Variants in METTL16 observed in about 807,000 individuals in gnomAD.
METTL16 encodes the protein RNA N(6)-adenosine-methyltransferase METTL16.
A neutral mutation model predicts 57.9 loss-of-function variants in METTL16; 19 were observed. That is an observed-to-expected ratio of 0.33 (90% CI 0.23 to 0.48). The LOEUF is 0.48. Ranked by LOEUF, METTL16 falls within the 20% of genes least tolerant of loss-of-function variation. METTL16 has a pLI of 0.99. For missense variants in METTL16, 434 were observed against 691.5 expected (o/e 0.63, Z 4.18); for synonymous variants, 246 against 255.6 (o/e 0.96, Z 0.36).
chr17:2,482,115 T>C (rs539826407), intron 2 of METTL16, among the ~76,000 whole-genome samples: 1 of 152,304 alleles, frequency 6.6e-6, no homozygotes, highest in South Asian at 2.1e-4. Context: ...GGAGTAGAGT[T>C]TTCACGAGCT....
chr17:2,441,428 A>G, intron 7 of METTL16, 62 bp downstream of exon 7: 1 of 1,222,050 alleles, frequency 8.2e-7, no homozygotes, highest in Non-Finnish European at 1.1e-6. Context: ...GCAAAACTGT[A>G]CTTGTGCCCC....
intron 2 of METTL16, among the ~76,000 whole-genome samples, chr17:2,490,470 GC>G (rs1414112772): frequency 6.6e-6 from 1 of 152,104 alleles, no homozygotes; most frequent in Non-Finnish European, 1.5e-5. Flanking sequence ...AAAGACAAGG[GC>G]TTAGAAAGAT....
intron 2 of METTL16, among the ~76,000 whole-genome samples, chr17:2,498,037 A>G (rs1316671062): frequency 6.6e-6 from 1 of 151,610 alleles, no homozygotes; most frequent in Non-Finnish European, 1.5e-5. Flanking sequence ...TACTAAAAAT[A>G]CAAAAAATTA....
At chr17:2,451,065 CTAAT>C (rs2067065508) in intron 6 of METTL16, among the ~76,000 whole-genome samples, 3 of 152,058 alleles carry the variant, frequency 2.0e-5, no homozygotes, top group African/African-American at 2.4e-5. Flanking sequence ...AATGAAAAAT[CTAAT>C]TATTTTAAAA....
chr17:2,510,952 T>C (rs931691643), intron 1 of METTL16, among the ~76,000 whole-genome samples: 1 of 152,122 alleles, frequency 6.6e-6, no homozygotes, highest in Admixed American at 6.6e-5. Context: ...AAATCTCCCG[T>C]CAGTAAGTTT....
At chr17:2,471,877 G>A (rs756706878) in intron 4 of METTL16, among the ~76,000 whole-genome samples, 1 of 152,060 alleles carries the variant, frequency 6.6e-6, no homozygotes, top group Non-Finnish European at 1.5e-5. Context: ...GTTCTAGGAG[G>A]TCCAGACAAG....
chr17:2,489,537 C>T lies in METTL16; in HGVS notation c.129-11652G>A, dbSNP rs978629296. The stretch of plus-strand genomic sequence containing the variant: ...GAGCGTGGTGGCAGGCAACTGTAAT[C>T]GCCATTTAATAGAGACGGTGAAATC... On this transcript the variant is annotated intron_variant, in intron 2 of 9. Transcript: ENST00000263092. 3.3e-5 allele frequency among the ~76,000 whole-genome samples: 5 copies of T among 151,698 alleles called. No homozygotes were observed. In the South Asian group the frequency reaches 1.0e-3, roughly 32 times the overall value.
intron 6 of METTL16, among the ~76,000 whole-genome samples, chr17:2,455,573 A>C (rs1439732321): frequency 6.6e-6 from 1 of 152,136 alleles, no homozygotes; most frequent in Non-Finnish European, 1.5e-5. Context: ...TCTCCCTGAG[A>C]CCTCAGAGCA....
chr17:2,447,291 G>A (rs954596138), intron 6 of METTL16, among the ~76,000 whole-genome samples: 1 of 146,772 alleles, frequency 6.8e-6, no homozygotes, highest in Non-Finnish European at 1.5e-5. Context: ...GGGAGGTGAG[G>A]AGCGTCTCTG....
At chr17:2,466,789 AT>A (rs966448223) in intron 5 of METTL16, among the ~76,000 whole-genome samples, 1 of 150,574 alleles carries the variant, frequency 6.6e-6, no homozygotes, top group Non-Finnish European at 1.5e-5. Flanking sequence ...TTACATTGTT[AT>A]TTTTTTTTGT....
At chr17:2,490,101 G>C (rs958621877) in intron 2 of METTL16, among the ~76,000 whole-genome samples, 1 of 152,158 alleles carries the variant, frequency 6.6e-6, no homozygotes. Flanking sequence ...AAAAGACCCT[G>C]TATAAACAGA....
intron 8 of METTL16, among the ~76,000 whole-genome samples, chr17:2,422,337 G>GAA (rs56736695): frequency 1.5e-3 from 209 of 136,000 alleles, no homozygotes; most frequent in African/African-American, 3.3e-3. Context: ...CTCCGTTTTA[G>GAA]AAAAAAAAAA....
intron 6 of METTL16, among the ~76,000 whole-genome samples, chr17:2,444,309 A>C (rs1275962500): frequency 1.3e-5 from 2 of 151,994 alleles, no homozygotes; most frequent in African/African-American, 4.8e-5. Context: ...AATTAGCCAG[A>C]TGTGGTGGTG....
intron 8 of METTL16, among the ~76,000 whole-genome samples, chr17:2,425,511 T>C (rs917876176): frequency 5.3e-5 from 8 of 152,250 alleles, no homozygotes; most frequent in Non-Finnish European, 1.2e-4. Flanking sequence ...ACAGGTTTTA[T>C]ATCTTTTGAA....
intron 8 of METTL16, among the ~76,000 whole-genome samples, chr17:2,427,332 A>C (rs1014252223): frequency 6.6e-5 from 10 of 152,210 alleles, no homozygotes; most frequent in South Asian, 2.1e-4. Flanking sequence ...AACAAAACTA[A>C]CAACAAAAAA....
intron 2 of METTL16, among the ~76,000 whole-genome samples, chr17:2,500,189 C>A (rs1169289184): frequency 1.3e-5 from 2 of 152,054 alleles, no homozygotes; most frequent in African/African-American, 4.8e-5. Flanking sequence ...CCCAGGGCCT[C>A]CATTTCTAAA....
chr17:2,448,257 T>C (rs1255769537), intron 6 of METTL16, among the ~76,000 whole-genome samples: 509 of 110,200 alleles, frequency 4.6e-3, no homozygotes, highest in Middle Eastern at 8.6e-3. Flanking sequence ...CAGCGGCTCA[T>C]TGGGGATGGG....
chr17:2,505,527 T>C (rs888926541), intron 1 of METTL16, among the ~76,000 whole-genome samples: 2 of 149,912 alleles, frequency 1.3e-5, no homozygotes, highest in Non-Finnish European at 3.0e-5. Context: ...AGGATTATAG[T>C]TGTAAGCCAC....
At chr17:2,484,638 A>T (rs571919829) in intron 2 of METTL16, among the ~76,000 whole-genome samples, 1 of 152,140 alleles carries the variant, frequency 6.6e-6, no homozygotes, top group East Asian at 1.9e-4. Context: ...AGGACTACAG[A>T]CATGTACCAC....
Sources: allele counts gnomAD v4.1 joint callset (sites outside exome capture counted in the v4.1 genomes callset), GRCh38; gene constraint gnomAD v4.1.1; transcripts MANE v1.5; gene names NCBI Gene and HGNC (gene_info 2026-07-23, HGNC 2026-07-21).